Variants in ATP2B1 observed in about 807,000 individuals in gnomAD.
The protein encoded by ATP2B1 is ATPase plasma membrane Ca2+ transporting 1.
A neutral mutation model predicts 124.2 loss-of-function variants in ATP2B1; 14 were observed. The observed-to-expected ratio is 0.11, with a 90% CI of 0.07 to 0.18. ATP2B1 has a LOEUF of 0.18. Among genes scored for constraint, ATP2B1 ranks in the 10% least tolerant of loss-of-function variants. The pLI is 1.00. For synonymous variants in ATP2B1, 449 were observed against 492.4 expected (o/e 0.91, Z 1.17); for missense variants, 763 against 1,466.1 (o/e 0.52, Z 7.83).
intron 1 of ATP2B1, among the ~76,000 whole-genome samples, chr12:89,685,309 C>T (rs146368623): frequency 4.7e-4 from 72 of 152,200 alleles, no homozygotes; most frequent in African/African-American, 1.7e-3. Context: ...AATTGGGAAA[C>T]GTAACTATGG....
intron 1 of ATP2B1, among the ~76,000 whole-genome samples, chr12:89,690,611 A>G (rs577079581): frequency 6.6e-6 from 1 of 152,048 alleles, no homozygotes; most frequent in South Asian, 2.1e-4. Context: ...CACGTATTTT[A>G]CCATTTATTA....
At chr12:89,682,251 A>C (rs1379872824) in intron 1 of ATP2B1, among the ~76,000 whole-genome samples, 1 of 152,190 alleles carries the variant, frequency 6.6e-6, no homozygotes, top group Admixed American at 6.5e-5. Context: ...ACAAAGAGAG[A>C]CATTCTTTGT....
In ATP2B1 at chr12:89,591,007, GTAGTGGGCT is replaced by G; in HGVS notation, c.3631_3639del (p.Ser1211_Leu1213del). ...AATCAGAGTGATGTTTCCAAACTAT[GTAGTGGGCT>G]TCCTGGGGATGAAGAGGTAGCAGAC... On this transcript the variant is annotated inframe_deletion, in exon 21 of 21. Transcript: ENST00000428670. The G allele has an allele frequency of 6.2e-7, 1 of 1,612,784 alleles. No individual in the cohort carries two copies. Among genetic ancestry groups the G allele is most frequent in the Non-Finnish European group, 8.5e-7 (1 of 1,179,058 alleles).
chr12:89,642,174 T>A lies in ATP2B1; in HGVS notation c.390A>T (p.Pro130=). The change falls in exon 3 of 21, where the codon CCA becomes CCT. Residue 130 remains proline (P), a synonymous_variant. Transcript: ENST00000428670. ...VSLGLSFYQP[P]EGDNALCGEV... is the part of the protein sequence containing the mutation. ...TTTACTTACGTGCATTATCCCCTTC[T>A]GGAGGCTGATAAAAAGAAAGGCCCA... The A allele has an allele frequency of 6.2e-7, 1 of 1,613,166 alleles. No homozygotes were observed. The highest frequency in any genetic ancestry group is 8.5e-7 in the Non-Finnish European group (1 of 1,179,352).
intron 1 of ATP2B1, among the ~76,000 whole-genome samples, chr12:89,668,726 GA>G (rs1296932291): frequency 6.6e-6 from 1 of 152,132 alleles, no homozygotes; most frequent in Non-Finnish European, 1.5e-5. Context: ...ACATGTAGTA[GA>G]CCAACAGAGG....
Position 89,591,189 on chromosome 12 carries a change from T to C in ATP2B1, c.3458A>G (p.Glu1153Gly). 6.2e-7 allele frequency: 1 copy of C among 1,613,314 alleles called. No individual in the cohort carries two copies. The highest frequency in any genetic ancestry group is 8.5e-7 in the Non-Finnish European group (1 of 1,179,408). The change falls in exon 21 of 21, where the codon GAA becomes GGA. Residue 1153 changes from glutamate (E) to glycine (G), a missense_variant. This residue lies in a region of ATP2B1 where 97 missense variants were observed against 94.7 expected (regional missense o/e 1.02). Coordinates refer to ENST00000428670, the MANE Select transcript of ATP2B1 (RefSeq NM_001366521.1). ...AAGGGGGATATGAGGCTCTGAATCT[T>C]CTATCCTAAACTCAGGATGTGTCAT... ...NFMTHPEFRI[E>G]DSEPHIPLID...
intron 1 of ATP2B1, among the ~76,000 whole-genome samples, chr12:89,683,491 T>A (rs1007429636): frequency 3.9e-5 from 6 of 152,242 alleles, no homozygotes; most frequent in Admixed American, 2.0e-4. Context: ...CATGTGTACA[T>A]GTCTGGTTGA....
chr12:89,618,555 G>T (rs1009365524), intron 11 of ATP2B1, among the ~76,000 whole-genome samples: 2 of 152,194 alleles, frequency 1.3e-5, no homozygotes, highest in Middle Eastern at 3.2e-3. Context: ...ATGAAATCAG[G>T]TAACTGAGTG....
At chr12:89,632,168 A>C (rs1314138527) in intron 5 of ATP2B1, among the ~76,000 whole-genome samples, 1 of 151,264 alleles carries the variant, frequency 6.6e-6, no homozygotes, top group Non-Finnish European at 1.5e-5. Flanking sequence ...GTTATCATTG[A>C]TTTGTATTTT....
chr12:89,685,461 C>T (rs1003852266), intron 1 of ATP2B1, among the ~76,000 whole-genome samples: 2 of 152,074 alleles, frequency 1.3e-5, no homozygotes, highest in African/African-American at 4.8e-5. Context: ...TTCTTTCAAT[C>T]CAAACAGTAA....
intron 1 of ATP2B1, among the ~76,000 whole-genome samples, chr12:89,690,268 G>A (rs1890409494): frequency 1.3e-5 from 2 of 150,430 alleles, no homozygotes; most frequent in Admixed American, 1.3e-4. Context: ...CTCCTTTTTT[G>A]AAATTTCCTT....
At chr12:89,707,465 A>G (rs1892604648) in intron 1 of ATP2B1, among the ~76,000 whole-genome samples, 1 of 152,214 alleles carries the variant, frequency 6.6e-6, no homozygotes, top group Admixed American at 6.5e-5. Context: ...TATGAAAAAA[A>G]TCTATGTAGC....
intron 20 of ATP2B1, among the ~76,000 whole-genome samples, chr12:89,597,153 A>T (rs1874775479): frequency 6.6e-6 from 1 of 152,118 alleles, no homozygotes; most frequent in Admixed American, 6.5e-5. Flanking sequence ...CTTGTGGAAC[A>T]TTTACCATCT....
chr12:89,697,670 CTT>C (rs56837729), intron 1 of ATP2B1, among the ~76,000 whole-genome samples: 10,474 of 131,096 alleles, frequency 0.08, 441 homozygotes, highest in East Asian at 0.12. Flanking sequence ...ATCCAAAAGG[CTT>C]TTTTTTTTTT....
chr12:89,608,030 T>TA (rs56394845), intron 15 of ATP2B1, among the ~76,000 whole-genome samples: 2,272 of 147,862 alleles, frequency 0.015, 32 homozygotes, highest in Admixed American at 0.025. Context: ...TTCTTGTAAC[T>TA]AAAAAAAAAA....
Position 89,635,127 on chromosome 12 carries a change from C to T in ATP2B1, c.531G>A (p.Lys177=). The part of the protein sequence containing the change: ...VLVTAFNDWS[K]EKQFRGLQSR... Reference sequence around the variant, plus strand: ...TCTGCAAACCTCTAAACTGTTTTTCCTTACTCCAGTCATTGAAAGCTGTTA... The same window carrying T: ...TCTGCAAACCTCTAAACTGTTTTTCTTTACTCCAGTCATTGAAAGCTGTTA... Residue 177 remains lysine, a synonymous_variant, in exon 4 of 21, where the codon AAG becomes AAA. Transcript: ENST00000428670. 6.2e-7 allele frequency: 1 copy of T among 1,613,894 alleles called. No homozygotes were observed. Among genetic ancestry groups the T allele is most frequent in the Non-Finnish European group, 8.5e-7 (1 of 1,179,878 alleles).
chr12:89,638,401 T>C (rs752248225), intron 3 of ATP2B1, among the ~76,000 whole-genome samples: 1 of 152,216 alleles, frequency 6.6e-6, no homozygotes, highest in Non-Finnish European at 1.5e-5. Flanking sequence ...CTCAAAGTGC[T>C]GTCGTGAAAC....
chr12:89,625,679 C>G (rs1319528489), intron 8 of ATP2B1, among the ~76,000 whole-genome samples: 1 of 151,670 alleles, frequency 6.6e-6, no homozygotes, highest in Non-Finnish European at 1.5e-5. Flanking sequence ...CTAATGTCTA[C>G]TAAGTGGATT....
intron 11 of ATP2B1, among the ~76,000 whole-genome samples, 160 bp from the exon 12 acceptor site, chr12:89,617,199 T>C (rs370098589): frequency 1.5e-4 from 23 of 152,308 alleles, no homozygotes; most frequent in African/African-American, 4.8e-4. Context: ...CTTTTCACCC[T>C]CCCTTTTACA....
Sources: allele counts gnomAD v4.1 joint callset (sites outside exome capture counted in the v4.1 genomes callset), GRCh38; gene constraint gnomAD v4.1.1; regional missense constraint gnomAD v4.1.1; transcripts MANE v1.5; gene names NCBI Gene and HGNC (gene_info 2026-07-23, HGNC 2026-07-21).